ANO3: variants seen among roughly 807,000 people sequenced by gnomAD.
ANO3 encodes anoctamin-3.
In ANO3, 99 loss-of-function variants were observed where a neutral mutation model predicts 144.8. The observed-to-expected ratio is 0.68, with a 90% confidence interval of 0.58 to 0.81. The LOEUF (loss-of-function observed/expected upper bound fraction) is 0.81, where lower values mean the gene tolerates loss of function less well. ANO3 is among the 30% of genes least tolerant of loss of function. The pLI, the probability that ANO3 is intolerant of heterozygous loss-of-function variation, is 0.00. For missense variants in ANO3, 905 were observed against 1,202.2 expected, an observed-to-expected ratio of 0.75 and a Z score of 3.66; for synonymous variants, 414 against 392.6, an observed-to-expected ratio of 1.05 and a Z score of -0.64.
upstream of ANO3, among the ~76,000 whole-genome samples, chr11:26,329,270 A>C (rs1276568569): frequency 6.6e-6 from 1 of 151,442 alleles, no homozygotes; most frequent in Non-Finnish European, 1.5e-5. Context: ...TTCTTTCTAC[A>C]CTTCCAAAAC....
chr11:26,302,548 G>A (rs185319334), intron 1 of ANO3, among the ~76,000 whole-genome samples: 5 of 152,068 alleles, frequency 3.3e-5, no homozygotes, highest in Admixed American at 1.3e-4. Context: ...GAATGCCTCC[G>A]ATTATTTCAG....
intron 4 of ANO3, among the ~76,000 whole-genome samples, chr11:26,473,193 A>G (rs1465498410): frequency 6.6e-6 from 1 of 151,988 alleles, no homozygotes; most frequent in Non-Finnish European, 1.5e-5. Context: ...TCAAGACCAT[A>G]TACATTAAGT....
chr11:26,399,380 G>T (rs1590327705), intron 1 of ANO3, among the ~76,000 whole-genome samples: 1 of 151,864 alleles, frequency 6.6e-6, no homozygotes. Context: ...AGAGGCTTCA[G>T]TTGCCTTTCA....
chr11:26,485,940 A>T (rs1182717483), intron 4 of ANO3, among the ~76,000 whole-genome samples: 4 of 152,224 alleles, frequency 2.6e-5, no homozygotes, highest in Non-Finnish European at 5.9e-5. Flanking sequence ...TTTGTAAACT[A>T]TGCATCCAAC....
chr11:26,610,130 C>G (rs1852053532), intron 17 of ANO3, among the ~76,000 whole-genome samples: 1 of 151,912 alleles, frequency 6.6e-6, no homozygotes, highest in Admixed American at 6.6e-5. Context: ...AGACTGGTCT[C>G]TAACTCCTGA....
Position 26,222,673 on chromosome 11 carries a change from G to T in ANO3, c.154+33343G>T, listed in dbSNP as rs887005155. 1.1e-4 allele frequency among the ~76,000 whole-genome samples: 16 copies of T among 152,320 alleles called. No homozygotes were observed. The South Asian group carries it at 2.9e-3, about 28-fold the overall frequency. ...AAGCTGCCATGCTTCTTTAAGTCTT[G>T]CATTCTGCACACCTACAGGCTTAAT... On this transcript the variant is annotated intron_variant, in intron 1 of 27. Transcript: ENST00000672621.
intron 17 of ANO3, among the ~76,000 whole-genome samples, chr11:26,607,457 C>G (rs924770848): frequency 6.6e-6 from 1 of 152,138 alleles, no homozygotes; most frequent in Non-Finnish European, 1.5e-5. Context: ...ATACTCCAAT[C>G]AATTGTAGGC....
chr11:26,264,405 A>G (rs1166567421), intron 1 of ANO3, among the ~76,000 whole-genome samples: 1 of 152,218 alleles, frequency 6.6e-6, no homozygotes, highest in Non-Finnish European at 1.5e-5. Flanking sequence ...CACAAGTAAT[A>G]CAGCAAAGGG....
chr11:26,642,772 C>A (rs1234905423), intron 22 of ANO3, among the ~76,000 whole-genome samples: 10 of 151,118 alleles, frequency 6.6e-5, no homozygotes, highest in Admixed American at 6.6e-4. Context: ...CTTAACTCCT[C>A]CTCCTTCTTC....
chr11:26,599,144 A>G (rs1035908893), intron 16 of ANO3, 146 bp downstream of exon 16: 2 of 853,206 alleles, frequency 2.3e-6, no homozygotes, highest in Non-Finnish European at 3.6e-6. Context: ...TAAACAAACA[A>G]ATCACAACAG....
intron 14 of ANO3, chr11:26,565,911 C>T (rs759185166): frequency 2.6e-6 from 4 of 1,554,628 alleles, no homozygotes; most frequent in South Asian, 2.5e-5. Flanking sequence ...AAGAAAATAA[C>T]CATAATTTGA....
At chr11:26,219,967 C>A (rs572423772) in intron 1 of ANO3, among the ~76,000 whole-genome samples, 1 of 152,272 alleles carries the variant, frequency 6.6e-6, no homozygotes, top group South Asian at 2.1e-4. Context: ...TGTTCTAGGA[C>A]AAATAAGCAC....
At chr11:26,346,570 G>A (rs532613658) in intron 1 of ANO3, among the ~76,000 whole-genome samples, 1 of 152,050 alleles carries the variant, frequency 6.6e-6, no homozygotes, top group Non-Finnish European at 1.5e-5. Flanking sequence ...ATTTCACCTG[G>A]ATGTGCCTAG....
chr11:26,253,759 G>C (rs1852992732), intron 1 of ANO3, among the ~76,000 whole-genome samples: 1 of 152,094 alleles, frequency 6.6e-6, no homozygotes. Context: ...GAGGCCAGAA[G>C]ACCCAATTGC....
intron 4 of ANO3, among the ~76,000 whole-genome samples, chr11:26,494,708 A>G (rs1057061543): frequency 7.2e-5 from 11 of 152,168 alleles, no homozygotes; most frequent in Admixed American, 2.6e-4. Flanking sequence ...CTTTGTTTGC[A>G]AAAACAGGGG....
At chr11:26,489,826 A>T (rs1024242068) in intron 4 of ANO3, among the ~76,000 whole-genome samples, 1 of 152,202 alleles carries the variant, frequency 6.6e-6, no homozygotes, top group Non-Finnish European at 1.5e-5. Context: ...GTATTGACCC[A>T]GTACATGTAC....
chr11:26,198,210 A>C (rs1390584549), intron 1 of ANO3, among the ~76,000 whole-genome samples: 1 of 152,144 alleles, frequency 6.6e-6, no homozygotes, highest in Non-Finnish European at 1.5e-5. Flanking sequence ...TGAATTAATT[A>C]AATTCATTTC....
chr11:26,607,943 G>A (rs1168681776), intron 17 of ANO3, among the ~76,000 whole-genome samples: 1 of 152,208 alleles, frequency 6.6e-6, no homozygotes, highest in Non-Finnish European at 1.5e-5. Flanking sequence ...CTGTCAATTT[G>A]TTCTCATCCT....
chr11:26,315,236 A>T (rs2133874023), intron 1 of ANO3, among the ~76,000 whole-genome samples: 1 of 152,284 alleles, frequency 6.6e-6, no homozygotes, highest in Non-Finnish European at 1.5e-5. Flanking sequence ...GTCCATAAAA[A>T]TCCACTTCGG....
Sources: gnomAD v4.1 joint callset for allele counts (sites outside exome capture counted in the v4.1 genomes callset) on GRCh38, gnomAD v4.1.1 for gene constraint, MANE v1.5 for transcripts, NCBI Gene and HGNC (gene_info 2026-07-23, HGNC 2026-07-21) for gene names.